Variants in ROR1 observed in about 807,000 individuals in gnomAD.
ROR1 encodes the protein ROR family WNT receptor 1.
Under a neutral mutation model 78.8 loss-of-function variants are expected in ROR1, and 19 were observed. The ratio of observed to expected loss-of-function variants is 0.24; its 90% confidence interval spans 0.17 to 0.35. ROR1 has a LOEUF of 0.35. ROR1 is among the 10% of genes least tolerant of loss of function. ROR1 has a pLI of 1.00. For missense variants in ROR1, 917 were observed against 1,177.8 expected, an observed-to-expected ratio of 0.78 and a Z score of 3.24; for synonymous variants, 386 against 433.6, an observed-to-expected ratio of 0.89 and a Z score of 1.36.
rs1024769042 is a variant in ROR1, at chr1:64,178,827, C to G, written c.2786C>G (p.Thr929Ser). The G allele has an allele frequency of 9.3e-6, 15 of 1,613,350 alleles. No individual in the cohort carries two copies. The highest frequency in any genetic ancestry group is 2.2e-5 in the East Asian group (1 of 44,882). ...GGAGACGCCAATATTCATGGACACACCGAATCTATGATTTCTGCAGAACTG... is the reference window on the plus strand; with the variant it reads ...GGAGACGCCAATATTCATGGACACAGCGAATCTATGATTTCTGCAGAACTG... ...LLGDANIHGHTESMISAEL is the reference protein window; with the variant it reads ...LLGDANIHGHSESMISAEL The change falls in exon 9 of 9, where the codon ACC becomes AGC. Residue 929 changes from threonine to serine, a missense_variant. Physicochemically the swap from Thr to Ser is moderately conservative, Grantham distance 58. Coordinates refer to ENST00000371079, the MANE Select transcript of ROR1 (RefSeq NM_005012.4). This position sits in a 1 kb window ranked among gnomAD's most constrained non-coding sequence, Gnocchi z 4.3.
chr1:63,910,364 G>A (rs1246386191), intron 1 of ROR1, among the ~76,000 whole-genome samples: 2 of 152,260 alleles, frequency 1.3e-5, no homozygotes, highest in Admixed American at 6.5e-5. Context: ...GAGCTCATGG[G>A]TTGCATTCAC....
At chr1:63,883,937 G>C (rs1049533054) in intron 1 of ROR1, among the ~76,000 whole-genome samples, 1 of 152,164 alleles carries the variant, frequency 6.6e-6, no homozygotes, top group Non-Finnish European at 1.5e-5. Context: ...CAGAGATCCA[G>C]CTCCTACTCC....
intron 4 of ROR1, among the ~76,000 whole-genome samples, chr1:64,064,864 G>A (rs1373085182): frequency 1.3e-5 from 2 of 152,182 alleles, no homozygotes; most frequent in African/African-American, 4.8e-5. Flanking sequence ...AGTACTGTCT[G>A]TAATTTTCAG....
At chr1:63,796,569 C>G (rs1203833884) in intron 1 of ROR1, among the ~76,000 whole-genome samples, 1 of 152,212 alleles carries the variant, frequency 6.6e-6, no homozygotes, top group Admixed American at 6.5e-5. Context: ...TTATCCAAGA[C>G]TGCATCAAAC....
intron 1 of ROR1, among the ~76,000 whole-genome samples, chr1:63,974,836 G>C (rs1646145971): frequency 1.3e-5 from 2 of 152,112 alleles, no homozygotes; most frequent in Non-Finnish European, 2.9e-5. Flanking sequence ...CTTTCTCTGA[G>C]TTATGTTTTC....
intron 1 of ROR1, among the ~76,000 whole-genome samples, chr1:63,958,876 T>G (rs1472006387): frequency 6.6e-6 from 1 of 152,168 alleles, no homozygotes; most frequent in East Asian, 1.9e-4. Context: ...TAACACTTCT[T>G]TTTGCATCTC....
intron 4 of ROR1, among the ~76,000 whole-genome samples, chr1:64,071,882 AAGG>A (rs1647006921): frequency 6.6e-6 from 1 of 152,134 alleles, no homozygotes; most frequent in Non-Finnish European, 1.5e-5. Context: ...AAGAGCCAAT[AAGG>A]AGGGTGTTCT....
intron 2 of ROR1, among the ~76,000 whole-genome samples, chr1:64,044,902 T>G (rs74404874): frequency 0.025 from 3,785 of 152,316 alleles, 151 homozygotes; most frequent in African/African-American, 0.087. Context: ...GGTGGTGATA[T>G]TAATGCATTT....
intron 2 of ROR1, among the ~76,000 whole-genome samples, chr1:64,031,672 C>A (rs1240940753): frequency 6.6e-6 from 1 of 152,174 alleles, no homozygotes; most frequent in East Asian, 1.9e-4. Flanking sequence ...GACTATATTG[C>A]TTTTTCTACT....
chr1:63,982,373 C>T (rs758967235), intron 1 of ROR1, among the ~76,000 whole-genome samples: 7 of 152,138 alleles, frequency 4.6e-5, no homozygotes, highest in South Asian at 4.1e-4. Context: ...AATTGCAAAG[C>T]GCTATGTAAA....
chr1:64,032,340 C>CAAA (rs66602515), intron 2 of ROR1, among the ~76,000 whole-genome samples: 4 of 76,332 alleles, frequency 5.2e-5, no homozygotes, highest in East Asian at 3.8e-4. Flanking sequence ...GACTCCGTCT[C>CAAA]AAAAAAAAAA....
intron 1 of ROR1, among the ~76,000 whole-genome samples, chr1:63,995,267 A>G (rs1215410036): frequency 6.6e-6 from 1 of 152,182 alleles, no homozygotes; most frequent in African/African-American, 2.4e-5. Context: ...GGATTAGGGA[A>G]TGACAAACTC....
At chr1:64,102,872 T>C (rs1647615742) in intron 4 of ROR1, among the ~76,000 whole-genome samples, 1 of 152,198 alleles carries the variant, frequency 6.6e-6, no homozygotes, top group Non-Finnish European at 1.5e-5. Context: ...CTCCACGCAC[T>C]GGATGCCAGC....
rs564018958 is a variant in ROR1, at chr1:64,118,877, G to A, written c.483-18492G>A. The stretch of plus-strand genomic sequence containing the variant: ...TGATATTTCAACTGTTCTGGGCTAT[G>A]GAAATTTTAAAAGATTTCATGTCTA... On this transcript the variant is annotated intron_variant, in intron 4 of 8. Transcript: ENST00000371079. Among the ~76,000 whole-genome samples, 13 of 152,234 alleles carry A rather than the reference G, an allele frequency of 8.5e-5. 1 individual carries two copies. In the South Asian group the frequency reaches 2.5e-3, roughly 29 times the overall value.
intron 1 of ROR1, among the ~76,000 whole-genome samples, chr1:63,900,920 C>A (rs1569881606): frequency 6.6e-6 from 1 of 152,182 alleles, no homozygotes; most frequent in South Asian, 2.1e-4. Flanking sequence ...AGGCATTCTC[C>A]TATGCACATT....
intron 1 of ROR1, among the ~76,000 whole-genome samples, chr1:63,932,327 C>A (rs1446273386): frequency 6.6e-6 from 1 of 152,056 alleles, no homozygotes; most frequent in African/African-American, 2.4e-5. Flanking sequence ...GATGGAGTCC[C>A]ATTGTGTGCA....
intron 1 of ROR1, among the ~76,000 whole-genome samples, chr1:63,963,209 CTT>C (rs1017611724): frequency 2.6e-5 from 4 of 152,150 alleles, no homozygotes; most frequent in Non-Finnish European, 1.5e-5. Context: ...ATGATAGTAA[CTT>C]AATGTGCCAT....
Position 64,141,078 on chromosome 1 carries a change from C to G in ROR1, c.928+652C>G, listed in dbSNP as rs1360469987. Among the ~76,000 whole-genome samples the G allele has an allele frequency of 2.6e-5, 4 of 152,042 alleles. No homozygotes were observed. In the East Asian group the frequency reaches 7.7e-4, roughly 29 times the overall value. On this transcript the variant is annotated intron_variant, in intron 6 of 8. Coordinates refer to ENST00000371079, the MANE Select transcript of ROR1 (RefSeq NM_005012.4). The stretch of plus-strand genomic sequence containing the variant: ...TTGTTTAATAGATATGGGGTTTCCT[C>G]TTAGGGTAATATAAGTGTTCTAGAA...
At position 64,019,123 on chromosome 1, in the gene ROR1, T is replaced by C. The variant is rs150287964; in HGVS notation, c.163+9747T>C. ...TGTGATTTGAGAGGTTTAAAAGGTC[T>C]CCAGGTGATTCTAGTGTGCAACAAA... On this transcript the variant is annotated intron_variant, in intron 2 of 8. Transcript: ENST00000371079. Among the ~76,000 whole-genome samples, 317 of 152,346 alleles carry C rather than the reference T, an allele frequency of 2.1e-3. 1 individual carries two copies. Among genetic ancestry groups the C allele is most frequent in the African/African-American group, 7.1e-3 (296 of 41,592 alleles).
Sources: gnomAD v4.1 joint callset for allele counts (sites outside exome capture counted in the v4.1 genomes callset) on GRCh38, gnomAD v4.1.1 for gene constraint, Gnocchi (gnomAD v3.1) non-coding constraint, MANE v1.5 for transcripts, NCBI Gene and HGNC (gene_info 2026-07-23, HGNC 2026-07-21) for gene names.